SPG11: variants seen among roughly 807,000 people sequenced by gnomAD.
The protein encoded by SPG11 is SPG11 vesicle trafficking associated, spatacsin.
SPG11 carries 222 observed loss-of-function variants against 274.0 expected under a neutral mutation model. The observed-to-expected ratio is 0.81, with a 90% CI of 0.73 to 0.91. The LOEUF is 0.91. SPG11 is among the 40% of genes least tolerant of loss of function. The pLI is 0.00. For synonymous variants in SPG11, 1,144 were observed against 1,039.7 expected, an observed-to-expected ratio of 1.10 and a Z score of -1.93; for missense variants, 3,114 against 2,872.7, an observed-to-expected ratio of 1.08 and a Z score of -1.92.
chr15:44,596,419 G>T, intron 24 of SPG11, 64 bp from the exon 25 acceptor site: 1 of 1,581,482 alleles, frequency 6.3e-7, no homozygotes, highest in Non-Finnish European at 8.7e-7. Context: ...AGCTGAAAAT[G>T]TTAGAGAAAA....
intron 1 of SPG11, among the ~76,000 whole-genome samples, chr15:44,662,972 A>G (rs2085160492): frequency 6.6e-6 from 1 of 152,274 alleles, no homozygotes; most frequent in African/African-American, 2.4e-5. Context: ...GGACATGAAA[A>G]AAGTATCAGG....
rs530344264 is a variant in SPG11 at position 44,643,576 on chromosome 15, A to AGCTAT, written c.1602+5289_1602+5290insATAGC. On this transcript the variant is annotated intron_variant, in intron 7 of 39. Transcript: ENST00000261866. ...ACCTAACTGTAAGAGCTAAAACTATAAAAGTCTTGTAAGAATAAATCTGCA... is the reference window on the plus strand; with the variant it reads ...ACCTAACTGTAAGAGCTAAAACTATAGCTATAAAGTCTTGTAAGAATAAATCTGCA... Among the ~76,000 whole-genome samples the AGCTAT allele has an allele frequency of 7.4e-4, 113 of 152,338 alleles. 2 individuals are homozygous for AGCTAT. The South Asian group carries it at 0.011, about 15-fold the overall frequency.
chr15:44,618,793 C>T (rs1352482071), intron 15 of SPG11, among the ~76,000 whole-genome samples: 3 of 150,978 alleles, frequency 2.0e-5, no homozygotes, highest in African/African-American at 7.3e-5. Flanking sequence ...GCACTCCAGC[C>T]TGGGTGACAG....
chr15:44,644,362 T>TC (rs1243939715), intron 7 of SPG11, among the ~76,000 whole-genome samples: 2 of 151,690 alleles, frequency 1.3e-5, no homozygotes, highest in African/African-American at 4.8e-5. Flanking sequence ...CAAGTAGTAC[T>TC]CCCTTCAACA....
intron 26 of SPG11, 63 bp downstream of exon 26, chr15:44,595,196 C>A: frequency 1.3e-6 from 2 of 1,513,550 alleles, no homozygotes; most frequent in East Asian, 4.5e-5. Flanking sequence ...AAGAAAAAGC[C>A]AAGAAGGGAT....
intron 11 of SPG11, among the ~76,000 whole-genome samples, chr15:44,624,516 G>T (rs1369041963): frequency 6.6e-6 from 1 of 152,118 alleles, no homozygotes; most frequent in African/African-American, 2.4e-5. Flanking sequence ...ATATTACCAA[G>T]GACTGTGGGG....
In SPG11 at chr15:44,651,639, A is replaced by G; in HGVS notation, c.1308T>C (p.Thr436=). The change falls in exon 6 of 40, where the codon ACT becomes ACC. Residue 436 remains threonine, a synonymous_variant. Transcript: ENST00000261866. ...TTTCCACTTCCCAAGTAAACAGTGC[A>G]GTGAATCCTGTCACAGACACACATT... ...ELKCVSVTGF[T]ALFTWEVERM... 6.2e-7 allele frequency: 1 copy of G among 1,614,246 alleles called. No individual in the cohort carries two copies. The highest frequency in any genetic ancestry group is 8.5e-7 in the Non-Finnish European group (1 of 1,180,040).
At chr15:44,634,326 G>A (rs1285597570) in intron 7 of SPG11, among the ~76,000 whole-genome samples, 1 of 152,084 alleles carries the variant, frequency 6.6e-6, no homozygotes, top group Non-Finnish European at 1.5e-5. Context: ...CCAGGCTGAG[G>A]TACAGTGGCA....
At chr15:44,618,468 G>C (rs1320565867) in intron 15 of SPG11, among the ~76,000 whole-genome samples, 3 of 134,618 alleles carry the variant, frequency 2.2e-5, no homozygotes, top group African/African-American at 8.5e-5. Flanking sequence ...AGTGAGCAGA[G>C]ATAGCGCCAC....
intron 10 of SPG11, among the ~76,000 whole-genome samples, chr15:44,627,591 T>C (rs988766899): frequency 2.0e-5 from 3 of 150,962 alleles, no homozygotes; most frequent in Non-Finnish European, 3.0e-5. Flanking sequence ...GAAAAGTAAG[T>C]AATTTTTTTT....
intron 7 of SPG11, among the ~76,000 whole-genome samples, chr15:44,639,869 A>G (rs1489666892): frequency 1.3e-5 from 2 of 152,196 alleles, no homozygotes; most frequent in East Asian, 3.8e-4. Context: ...ATACACAAAA[A>G]TTAATTATAT....
At chr15:44,652,695 C>T (rs2084821664) in intron 4 of SPG11, among the ~76,000 whole-genome samples, 1 of 150,842 alleles carries the variant, frequency 6.6e-6, no homozygotes, top group African/African-American at 2.5e-5. Context: ...CACTCTGTCA[C>T]CCAGGCTGGA....
chr15:44,660,327 G>A (rs1282830556), intron 2 of SPG11, 105 bp downstream of exon 2: 11 of 983,770 alleles, frequency 1.1e-5, no homozygotes, highest in African/African-American at 3.2e-5. Context: ...TACTATATCA[G>A]ACAGCGTAGA....
At chr15:44,643,753 TGAG>T (rs1184258218) in intron 7 of SPG11, among the ~76,000 whole-genome samples, 1 of 151,578 alleles carries the variant, frequency 6.6e-6, no homozygotes, top group Admixed American at 6.6e-5. Context: ...CCAAAAAAAC[TGAG>T]GAGGAACTCC....
Position 44,592,399 on chromosome 15 carries a change from A to C in SPG11, c.4675T>G (p.Cys1559Gly), listed in dbSNP as rs757658545. 3 of 1,611,062 alleles carry C rather than the reference A, an allele frequency of 1.9e-6. No individual in the cohort carries two copies. Among genetic ancestry groups the C allele is most frequent in the Non-Finnish European group, 2.5e-6 (3 of 1,177,206 alleles). ...LLLVMEMYEL[C>G]MFFRNYKEAE... ...TCTTTATAATTCCTGAAGAACATAC[A>C]CAGTTCATACATCTCCATCACCAGT... The change falls in exon 27 of 40, where the codon TGT becomes GGT. Residue 1559 changes from cysteine (C) to glycine (G), a missense_variant. Transcript: ENST00000261866.
Position 44,615,635 on chromosome 15 carries a change from CA to C in SPG11, c.2835-70del, listed in dbSNP as rs1373540603. ...TTCAGAGTAGACCAAATCATGCCCA[CA>C]GTTTAGGTCTCAATTACTTAAAAAT... On this transcript the variant is annotated intron_variant, in intron 15 of 39. Transcript: ENST00000261866. 7 of 1,325,312 alleles carry C rather than the reference CA, an allele frequency of 5.3e-6. No individual in the cohort carries two copies. In the Admixed American group the frequency reaches 8.5e-5, roughly 16 times the overall value. 82.1% of individuals were successfully genotyped at this position (1,325,312 alleles called of 1,614,324 possible). A position where few individuals can be genotyped will look rare whatever the true frequency, so the allele number is the denominator to read the frequency against.
At chr15:44,594,457 C>G (rs576356496) in intron 26 of SPG11, among the ~76,000 whole-genome samples, 2 of 151,782 alleles carry the variant, frequency 1.3e-5, no homozygotes, top group Admixed American at 6.6e-5. Context: ...AACAAAAAAC[C>G]ACCCTGGGCC....
At chr15:44,597,887 C>A (rs1425183436) in intron 23 of SPG11, among the ~76,000 whole-genome samples, 1 of 152,188 alleles carries the variant, frequency 6.6e-6, no homozygotes, top group Non-Finnish European at 1.5e-5. Flanking sequence ...TTGGAAGACC[C>A]ATCCTACATC....
In SPG11 at chr15:44,663,528, C is replaced by T. The variant is rs1489959239; in HGVS notation, c.120G>A (p.Gln40=). 4 of 1,598,322 alleles carry T rather than the reference C, an allele frequency of 2.5e-6. No individual in the cohort carries two copies. The highest frequency in any genetic ancestry group is 2.2e-5 in the South Asian group (2 of 89,248). The part of the protein sequence containing the change: ...LVPVPAEAMG[Q]LGSRAQLRTQ... ...TGCGCAGCTGCGCCCGGGAGCCGAG[C>T]TGCCCCATCGCCTCGGCGGGGACTG... is the stretch of plus-strand genomic sequence containing the variant. The change falls in exon 1 of 40, where the codon CAG becomes CAA. Residue 40 remains glutamine (Q), a synonymous_variant. Coordinates refer to ENST00000261866, the MANE Select transcript of SPG11 (RefSeq NM_025137.4).
Sources: gnomAD v4.1 joint callset for allele counts (sites outside exome capture counted in the v4.1 genomes callset) on GRCh38, gnomAD v4.1.1 for gene constraint, MANE v1.5 for transcripts, NCBI Gene and HGNC (gene_info 2026-07-23, HGNC 2026-07-21) for gene names.